Variants in DIAPH2 observed in about 807,000 individuals in gnomAD.
DIAPH2 encodes the protein protein diaphanous homolog 2.
DIAPH2 carries 35 observed loss-of-function variants against 92.7 expected under a neutral mutation model. That is an observed-to-expected ratio of 0.38 (90% CI 0.29 to 0.50). The LOEUF (loss-of-function observed/expected upper bound fraction) is 0.50, where lower values mean the gene tolerates loss of function less well. Among genes scored for constraint, DIAPH2 ranks in the 20% least tolerant of loss-of-function variants. The pLI, the probability that DIAPH2 is intolerant of heterozygous loss-of-function variation, is 0.94. For synonymous variants in DIAPH2, 301 were observed against 280.4 expected, an observed-to-expected ratio of 1.07 and a Z score of -0.73; for missense variants, 701 against 819.5, an observed-to-expected ratio of 0.86 and a Z score of 1.77.
At chrX:97,219,301 T>A (rs2147514138) in intron 22 of DIAPH2, among the ~76,000 whole-genome samples, 1 of 112,489 alleles carries the variant, frequency 8.9e-6, no homozygotes, top group South Asian at 3.7e-4. Flanking sequence ...CTTACGATTT[T>A]GCTTTTTTAT....
At chrX:97,519,679 T>C (rs2070976410) in intron 26 of DIAPH2, among the ~76,000 whole-genome samples, 1 of 112,173 alleles carries the variant, frequency 8.9e-6, no homozygotes, top group Non-Finnish European at 1.9e-5. Flanking sequence ...AAATAGCTTA[T>C]TTGTTATTTT....
At chrX:97,517,478 A>G (rs755753845) in intron 26 of DIAPH2, among the ~76,000 whole-genome samples, 32 of 112,123 alleles carry the variant, frequency 2.9e-4, no homozygotes, top group Non-Finnish European at 5.6e-4. Flanking sequence ...CATTGACAGA[A>G]CCTAAAGGGA....
intron 26 of DIAPH2, among the ~76,000 whole-genome samples, chrX:97,501,643 A>G (rs1041919539): frequency 9.0e-6 from 1 of 110,993 alleles, no homozygotes; most frequent in African/African-American, 3.3e-5. Flanking sequence ...CTTAAAACTG[A>G]CTTCTGTTTA....
At chrX:97,032,299 C>T (rs765415040) in intron 17 of DIAPH2, among the ~76,000 whole-genome samples, 1 of 111,050 alleles carries the variant, frequency 9.0e-6, no homozygotes, top group Non-Finnish European at 1.9e-5. Flanking sequence ...AGACATTGCA[C>T]ATGTCATAAA....
At chrX:97,039,731 G>A (rs376831610) in intron 17 of DIAPH2, among the ~76,000 whole-genome samples, 1 of 111,235 alleles carries the variant, frequency 9.0e-6, no homozygotes, top group Non-Finnish European at 1.9e-5. Context: ...CACTCTCATC[G>A]TACATCTATT....
At chrX:96,852,457 A>G (rs1433172398) in intron 4 of DIAPH2, among the ~76,000 whole-genome samples, 2 of 112,257 alleles carry the variant, frequency 1.8e-5, no homozygotes, top group African/African-American at 6.5e-5. Flanking sequence ...TGTTATCTTC[A>G]TAATAGCATT....
chrX:97,111,064 A>G (rs2066977283), intron 20 of DIAPH2, among the ~76,000 whole-genome samples: 1 of 112,263 alleles, frequency 8.9e-6, no homozygotes, highest in East Asian at 2.8e-4. Context: ...ATGCTAATAC[A>G]AATTTTTCGT....
intron 4 of DIAPH2, among the ~76,000 whole-genome samples, chrX:96,875,690 G>GT (rs1448790169): frequency 9.1e-6 from 1 of 110,223 alleles, no homozygotes; most frequent in Admixed American, 9.8e-5. Context: ...TTCTGTGTAG[G>GT]TTTTTTTCTT....
Position 97,018,300 on chromosome X carries a change from A to G in DIAPH2, c.2050+53093A>G, listed in dbSNP as rs2066273897. On this transcript the variant is annotated intron_variant, in intron 17 of 26. Transcript: ENST00000324765. ...AAATTCAGTGTAAAAGTTTATATGTACATGTTTATTTTATAACATTTTGGG... is the reference window on the plus strand; with the variant it reads ...AAATTCAGTGTAAAAGTTTATATGTGCATGTTTATTTTATAACATTTTGGG... Among the ~76,000 whole-genome samples, 4 of 112,439 alleles carry G rather than the reference A, an allele frequency of 3.6e-5. No individual in the cohort carries two copies. In the South Asian group the frequency reaches 1.4e-3, roughly 41 times the overall value.
chrX:96,848,183 G>A (rs2064984888), intron 4 of DIAPH2, among the ~76,000 whole-genome samples: 1 of 110,708 alleles, frequency 9.0e-6, no homozygotes, highest in African/African-American at 3.3e-5. Flanking sequence ...AGGAGAATAG[G>A]TGCACAACAC....
chrX:97,321,917 C>T (rs1305094006), intron 23 of DIAPH2, among the ~76,000 whole-genome samples: 1 of 112,035 alleles, frequency 8.9e-6, no homozygotes, highest in Non-Finnish European at 1.9e-5. Flanking sequence ...TGAGAATCAT[C>T]TTAGAAACTG....
intron 4 of DIAPH2, among the ~76,000 whole-genome samples, chrX:96,781,810 A>G (rs921866357): frequency 8.1e-5 from 9 of 111,195 alleles, no homozygotes; most frequent in Admixed American, 6.7e-4. Context: ...GGTTGTATTT[A>G]TAGCTCTCTT....
chrX:97,473,824 G>A (rs764601951), intron 26 of DIAPH2, among the ~76,000 whole-genome samples: 6 of 111,061 alleles, frequency 5.4e-5, no homozygotes, highest in Non-Finnish European at 1.1e-4. Context: ...GCCAGGCGTG[G>A]TACCAGGTTC....
intron 4 of DIAPH2, among the ~76,000 whole-genome samples, chrX:96,856,954 G>A (rs1294658160): frequency 1.8e-5 from 2 of 109,863 alleles, no homozygotes; most frequent in Non-Finnish European, 3.8e-5. Flanking sequence ...CAAGAGAATC[G>A]CTTGAACCCG....
chrX:96,700,898 G>T (rs1260991230), intron 1 of DIAPH2, among the ~76,000 whole-genome samples: 2 of 111,761 alleles, frequency 1.8e-5, no homozygotes, highest in Non-Finnish European at 3.8e-5. Context: ...AACTCATCAG[G>T]TCCCACTGTA....
intron 23 of DIAPH2, among the ~76,000 whole-genome samples, chrX:97,278,799 A>G (rs2068472668): frequency 8.9e-6 from 1 of 112,396 alleles, no homozygotes; most frequent in Non-Finnish European, 1.9e-5. Context: ...ATACACTGTT[A>G]TAAGAATCAC....
chrX:97,456,365 C>T (rs58973437), intron 26 of DIAPH2, among the ~76,000 whole-genome samples: 40,700 of 105,715 alleles, frequency 0.38, 5,872 homozygotes, highest in East Asian at 0.56. Flanking sequence ...CCAGCCTGGG[C>T]GACAGAGCAA....
At chrX:96,939,982 G>A in intron 12 of DIAPH2, among the ~76,000 whole-genome samples, 1 of 108,030 alleles carries the variant, frequency 9.3e-6, no homozygotes, top group Non-Finnish European at 1.9e-5. Context: ...TTTTTTAAAA[G>A]GTGTTCATTT....
At chrX:97,351,149 C>T (rs73550368) in intron 24 of DIAPH2, among the ~76,000 whole-genome samples, 1,729 of 112,290 alleles carry the variant, frequency 0.015, 27 homozygotes, top group African/African-American at 0.052. Context: ...CTGTTTTGAA[C>T]GTGGGTGGGA....
Sources: gnomAD v4.1 joint callset for allele counts (sites outside exome capture counted in the v4.1 genomes callset) on GRCh38, gnomAD v4.1.1 for gene constraint, MANE v1.5 for transcripts, NCBI Gene and HGNC (gene_info 2026-07-23, HGNC 2026-07-21) for gene names.